ABHD3: variants seen among roughly 807,000 people sequenced by gnomAD.
ABHD3 encodes the protein phospholipase ABHD3.
A neutral mutation model predicts 48.8 loss-of-function variants in ABHD3; 46 were observed. The observed-to-expected ratio is 0.94, with a 90% confidence interval of 0.74 to 1.20. ABHD3 has a LOEUF of 1.20. Among genes scored for constraint, ABHD3 ranks in the 50% most tolerant of loss-of-function variants. The pLI is 0.00. For synonymous variants in ABHD3, 192 were observed against 183.7 expected (o/e 1.04, Z -0.36); for missense variants, 490 against 497.8 (o/e 0.98, Z 0.15).
At chr18:21,697,896 GT>G (rs1439811667) in intron 3 of ABHD3, among the ~76,000 whole-genome samples, 1 of 152,032 alleles carries the variant, frequency 6.6e-6, no homozygotes, top group Non-Finnish European at 1.5e-5. Flanking sequence ...TGGGAGTTAG[GT>G]TCTCTCTAAT....
intron 3 of ABHD3, among the ~76,000 whole-genome samples, chr18:21,685,781 TCCATCTC>T (rs1486930464): frequency 1.2e-4 from 18 of 152,130 alleles, no homozygotes; most frequent in Non-Finnish European, 2.2e-4. Context: ...CAATGCAACC[TCCATCTC>T]CCAGATTCAA....
chr18:21,655,042 TA>T (rs1262957092), intron 8 of ABHD3: 2 of 152,176 alleles, frequency 1.3e-5, no homozygotes, highest in Non-Finnish European at 2.9e-5. Context: ...TTTCATTTTC[TA>T]AATTGTGGTC....
Position 21,704,559 on chromosome 18 carries a change from A to G in ABHD3, c.107T>C (p.Leu36Pro). 6.5e-7 allele frequency: 1 copy of G among 1,532,422 alleles called. No individual in the cohort carries two copies. Among genetic ancestry groups the G allele is most frequent in the Non-Finnish European group, 8.8e-7 (1 of 1,141,440 alleles). 94.9% of individuals were successfully genotyped at this position (1,532,422 alleles called of 1,614,324 possible). ...GFFGSGVGLS[L>P]ILGFSVAYAF... ...ATAAGCGACGCTGAAGCCCAGGATA[A>G]GGGATAAGCCCACCCCCGAGCCGAA... Residue 36 changes from leucine (L) to proline (P), a missense_variant, in exon 1 of 9, where the codon CTT (leucine) becomes CCT (proline). Physicochemically the swap from Leu to Pro is moderately conservative, Grantham distance 98 (BLOSUM62 -3). Coordinates refer to ENST00000289119, the MANE Select transcript of ABHD3 (RefSeq NM_138340.5).
chr18:21,653,707 C>T (rs1183125931), intron 8 of ABHD3, among the ~76,000 whole-genome samples: 3 of 140,416 alleles, frequency 2.1e-5, no homozygotes, highest in East Asian at 2.0e-4. Flanking sequence ...GGCAGCATAG[C>T]GAGACTGACC....
chr18:21,696,323 A>G (rs1223038224), intron 3 of ABHD3, among the ~76,000 whole-genome samples: 2 of 151,910 alleles, frequency 1.3e-5, no homozygotes, highest in African/African-American at 4.8e-5. Context: ...TTTTTAAAAA[A>G]TATTTTTAGT....
intron 4 of ABHD3, among the ~76,000 whole-genome samples, chr18:21,670,217 A>C (rs2146299252): frequency 6.6e-6 from 1 of 152,160 alleles, no homozygotes; most frequent in Admixed American, 6.6e-5. Flanking sequence ...TGGCTAGAGA[A>C]GGCCCCCAGT....
chr18:21,691,056 T>A (rs1237893532), intron 3 of ABHD3, among the ~76,000 whole-genome samples: 1 of 150,132 alleles, frequency 6.7e-6, no homozygotes, highest in Non-Finnish European at 1.5e-5. Context: ...CAATACACTT[T>A]AAATACAATG....
intron 4 of ABHD3, among the ~76,000 whole-genome samples, chr18:21,669,648 C>T (rs1027820875): frequency 6.6e-6 from 1 of 152,114 alleles, no homozygotes; most frequent in Non-Finnish European, 1.5e-5. Flanking sequence ...TCAACATGCA[C>T]GAAGATTAAC....
rs3016698 is a variant in ABHD3, at chr18:21,655,303, T to C, written c.1057+1558A>G. ...GAAAAAGTTTTTTTTTTTTTTTTTT[T>C]CCAAGATAGAGTCTCACTCTGTCAC... On this transcript the variant is annotated intron_variant, in intron 8 of 8. Transcript: ENST00000289119. Among the ~76,000 whole-genome samples the C allele has an allele frequency of 2.4e-3, 356 of 147,294 alleles. 1 individual carries two copies. The highest frequency in any genetic ancestry group is 4.7e-3 in the Admixed American group (70 of 15,010).
intron 3 of ABHD3, among the ~76,000 whole-genome samples, chr18:21,692,050 A>C (rs989089412): frequency 2.0e-5 from 3 of 152,152 alleles, no homozygotes; most frequent in Non-Finnish European, 4.4e-5. Flanking sequence ...CCCAGGTTCA[A>C]ACGGTTCTTT....
At chr18:21,684,569 C>T (rs952219140) in intron 3 of ABHD3, among the ~76,000 whole-genome samples, 2 of 152,052 alleles carry the variant, frequency 1.3e-5, no homozygotes, top group Non-Finnish European at 2.9e-5. Flanking sequence ...GTGATACGCC[C>T]ACCTCGGCCT....
intron 3 of ABHD3, chr18:21,701,281 A>G (rs879627353): frequency 2.7e-5 from 4 of 149,828 alleles, no homozygotes; most frequent in Non-Finnish European, 5.9e-5. Flanking sequence ...TGGCACGATC[A>G]TGGTTCACTA....
At chr18:21,691,267 G>A (rs1014016434) in intron 3 of ABHD3, among the ~76,000 whole-genome samples, 2 of 152,104 alleles carry the variant, frequency 1.3e-5, no homozygotes, top group African/African-American at 4.8e-5. Context: ...CAGAGCTTCC[G>A]TATACATGAA....
Position 21,702,402 on chromosome 18 carries a change from A to G in ABHD3, c.423T>C (p.Thr141=), listed in dbSNP as rs994773059. 5 of 1,613,936 alleles carry G rather than the reference A, an allele frequency of 3.1e-6. No individual in the cohort carries two copies. In the Admixed American group the frequency reaches 8.3e-5, roughly 27 times the overall value. Residue 141 remains threonine, a synonymous_variant, in exon 3 of 9, where the codon ACT becomes ACC. Coordinates refer to ENST00000289119, the MANE Select transcript of ABHD3 (RefSeq NM_138340.5). Reference sequence around the variant, plus strand: ...CCGTGAGGCCAGGCAACAATAAGATAGTAGGTCTGGTGCTGGCATCCATAT... The same window carrying G: ...CCGTGAGGCCAGGCAACAATAAGATGGTAGGTCTGGTGCTGGCATCCATAT... ...TCYMDASTRP[T]ILLLPGLTGT...
chr18:21,658,056 G>T (rs1017788319), intron 6 of ABHD3, among the ~76,000 whole-genome samples: 2 of 151,786 alleles, frequency 1.3e-5, no homozygotes, highest in Admixed American at 1.3e-4. Flanking sequence ...TATTAGCCAG[G>T]TGTGGTGGTA....
intron 4 of ABHD3, among the ~76,000 whole-genome samples, chr18:21,675,414 G>A (rs1369452512): frequency 4.6e-5 from 7 of 151,768 alleles, no homozygotes; most frequent in African/African-American, 9.7e-5. Context: ...GACTACAGGC[G>A]CCTGTTGCCA....
intron 4 of ABHD3, chr18:21,682,232 A>T (rs1041354682): frequency 1.3e-5 from 2 of 152,238 alleles, no homozygotes; most frequent in East Asian, 3.8e-4. Context: ...TAACTGATAC[A>T]TTCTACGGAT....
At chr18:21,661,102 T>TA (rs35710540) in intron 5 of ABHD3, among the ~76,000 whole-genome samples, 17,801 of 57,082 alleles carry the variant, frequency 0.31, 3,628 homozygotes, top group African/African-American at 0.59. Flanking sequence ...AACTACAAGC[T>TA]AAAAAAAAAA....
intron 5 of ABHD3, among the ~76,000 whole-genome samples, chr18:21,659,623 G>A (rs1001101975): frequency 4.6e-5 from 7 of 151,798 alleles, no homozygotes; most frequent in South Asian, 2.1e-4. Context: ...CCCTAAGAGT[G>A]GTTTTTAGAT....
Sources: allele counts gnomAD v4.1 joint callset (sites outside exome capture counted in the v4.1 genomes callset), GRCh38; gene constraint gnomAD v4.1.1; transcripts MANE v1.5; gene names NCBI Gene and HGNC (gene_info 2026-07-23, HGNC 2026-07-21).